GOLGA1: variants seen among roughly 807,000 people sequenced by gnomAD.
GOLGA1 encodes golgin subfamily A member 1.
A neutral mutation model predicts 119.7 loss-of-function variants in GOLGA1; 63 were observed. The ratio of observed to expected loss-of-function variants is 0.53; its 90% CI spans 0.43 to 0.65. GOLGA1 has a LOEUF of 0.65. Among genes scored for constraint, GOLGA1 ranks in the 30% least tolerant of loss-of-function variants. GOLGA1 has a pLI of 0.00. For synonymous variants in GOLGA1, 318 were observed against 333.4 expected (o/e 0.95, Z 0.50); for missense variants, 798 against 912.8 (o/e 0.87, Z 1.62).
At chr9:124,911,865 TC>T (rs1297480290) in intron 11 of GOLGA1, 35 bp downstream of exon 11, 8 of 1,596,436 alleles carry the variant, frequency 5.0e-6, no homozygotes, top group Non-Finnish European at 6.9e-6. Context: ...ACCCTGCCTT[TC>T]CAACACCAGC....
At chr9:124,904,976 A>T (rs969628031) in intron 12 of GOLGA1, among the ~76,000 whole-genome samples, 22 of 149,196 alleles carry the variant, frequency 1.5e-4, no homozygotes, top group South Asian at 8.4e-4. Flanking sequence ...AAAATAAATT[A>T]AAAAAATACA....
chr9:124,939,658 G>A (rs1343560401), intron 2 of GOLGA1, among the ~76,000 whole-genome samples: 2 of 146,050 alleles, frequency 1.4e-5, no homozygotes, highest in East Asian at 4.0e-4. Flanking sequence ...CACCTCCTGG[G>A]TTCAAGCGAT....
chr9:124,883,034 C>T (rs992215760), intron 19 of GOLGA1, among the ~76,000 whole-genome samples: 1 of 152,210 alleles, frequency 6.6e-6, no homozygotes, highest in Non-Finnish European at 1.5e-5. Context: ...ATTTTGAACA[C>T]CCTAAAAAGA....
In GOLGA1 at chr9:124,897,623, G is replaced by T. The variant is rs138025355; in HGVS notation, c.1407+926C>A. ...CTCAAAGTGCTAGGATTAGAGGCGT[G>T]AGCCACCGCACTGGCTCATTGCTAT... is the stretch of plus-strand genomic sequence containing the variant. On this transcript the variant is annotated intron_variant, in intron 15 of 22. Coordinates refer to ENST00000373555, the MANE Select transcript of GOLGA1 (RefSeq NM_002077.4). 1.4e-3 allele frequency among the ~76,000 whole-genome samples: 218 copies of T among 152,304 alleles called. 5 individuals are homozygous for T. The East Asian group carries it at 0.037, about 26-fold the overall frequency.
upstream of GOLGA1, chr9:124,944,466 A>ATT (rs71374207): frequency 0.17 from 14,560 of 84,682 alleles, 1,456 homozygotes; most frequent in Non-Finnish European, 0.21. Flanking sequence ...TGCCTGGCTA[A>ATT]TTTTTTTTTT....
At chr9:124,886,598 C>T (rs1829725658) in intron 19 of GOLGA1, among the ~76,000 whole-genome samples, 1 of 152,118 alleles carries the variant, frequency 6.6e-6, no homozygotes, top group Admixed American at 6.6e-5. Context: ...AGAGACGCAG[C>T]AGCAGGGCAA....
intron 14 of GOLGA1, among the ~76,000 whole-genome samples, chr9:124,899,082 G>A (rs1015643195): frequency 2.0e-5 from 3 of 152,162 alleles, no homozygotes; most frequent in Admixed American, 2.0e-4. Context: ...TGTAGTCCCA[G>A]CTACTTGGGA....
chr9:124,899,758 T>A (rs1379201324), intron 13 of GOLGA1, among the ~76,000 whole-genome samples: 1 of 152,188 alleles, frequency 6.6e-6, no homozygotes, highest in Non-Finnish European at 1.5e-5. Flanking sequence ...TCCTTCACAC[T>A]ACTCAGTGTT....
chr9:124,912,013 G>A lies in GOLGA1; in HGVS notation c.857C>T (p.Thr286Ile). Residue 286 changes from threonine to isoleucine, a missense_variant, in exon 11 of 23, where the codon ACT becomes ATT. By Grantham distance (89) the Thr-to-Ile change is moderately conservative. Transcript: ENST00000373555. ...SIDLQKVTAE[T>I]QEKEDVITHL... ...TGTGATAACGTCTTCTTTCTCTTGAGTTTCAGCAGTGACCTGCAGGTGAAA... is the reference window on the plus strand; with the variant it reads ...TGTGATAACGTCTTCTTTCTCTTGAATTTCAGCAGTGACCTGCAGGTGAAA... 1 of 1,613,372 alleles carries A rather than the reference G, an allele frequency of 6.2e-7. No homozygotes were observed. Among genetic ancestry groups the A allele is most frequent in the Non-Finnish European group, 8.5e-7 (1 of 1,179,450 alleles).
In GOLGA1 at chr9:124,882,030, G is replaced by C. The variant is rs890185095; in HGVS notation, c.1966-76C>G. 6.4e-6 allele frequency: 7 copies of C among 1,096,860 alleles called. No individual in the cohort carries two copies. The African/African-American group carries it at 7.9e-5, about 12-fold the overall frequency. 67.9% of individuals were successfully genotyped at this position (1,096,860 alleles called of 1,614,324 possible). A position where few individuals can be genotyped will look rare whatever the true frequency, so the allele number is the denominator to read the frequency against. ...AAAAAATCACACGGGAGGTTCACCT[G>C]GTCCAAACTATGATCACTATCGTAG... On this transcript the variant is annotated intron_variant, in intron 20 of 22. Transcript: ENST00000373555.
chr9:124,883,754 GTTTTC>G (rs1161790213), intron 19 of GOLGA1, among the ~76,000 whole-genome samples: 1 of 150,530 alleles, frequency 6.6e-6, no homozygotes, highest in African/African-American at 2.4e-5. Context: ...GGCCTTTTTT[GTTTTC>G]TTTAAGAGAC....
At chr9:124,938,388 AATAT>A (rs5900634) in intron 3 of GOLGA1, among the ~76,000 whole-genome samples, 185 bp downstream of exon 3, 1 of 151,654 alleles carries the variant, frequency 6.6e-6, no homozygotes, top group Admixed American at 6.6e-5. Context: ...TAAGGAAAAA[AATAT>A]AGAGTACCTT....
At chr9:124,882,192 C>T (rs988640020) in intron 20 of GOLGA1, among the ~76,000 whole-genome samples, 1 of 152,162 alleles carries the variant, frequency 6.6e-6, no homozygotes, top group African/African-American at 2.4e-5. Flanking sequence ...TGCTCGCATC[C>T]CGCATCAGGC....
At chr9:124,937,607 G>C (rs1364634310) in intron 3 of GOLGA1, among the ~76,000 whole-genome samples, 1 of 149,606 alleles carries the variant, frequency 6.7e-6, no homozygotes, top group Non-Finnish European at 1.5e-5. Flanking sequence ...CTCCGGCCTG[G>C]CTGACAGAGT....
intron 13 of GOLGA1, chr9:124,900,225 A>T: frequency 2.6e-6 from 1 of 382,306 alleles, no homozygotes; most frequent in South Asian, 4.1e-5. Flanking sequence ...GTGGGATGTA[A>T]GGTGGAAAGG....
intron 19 of GOLGA1, among the ~76,000 whole-genome samples, chr9:124,885,100 G>A (rs1351807915): frequency 6.6e-6 from 1 of 152,066 alleles, no homozygotes; most frequent in African/African-American, 2.4e-5. Flanking sequence ...AGGCCGAGGC[G>A]GGCAGATCAC....
intron 10 of GOLGA1, among the ~76,000 whole-genome samples, chr9:124,918,365 A>C (rs1027602814): frequency 2.0e-5 from 3 of 152,188 alleles, no homozygotes; most frequent in African/African-American, 4.8e-5. Context: ...AGCTCAACTA[A>C]TATTTTTAGA....
At position 124,897,513 on chromosome 9, in the gene GOLGA1, G is replaced by T. The variant is rs371652231; in HGVS notation, c.1407+1036C>A. 1.3e-3 allele frequency among the ~76,000 whole-genome samples: 202 copies of T among 152,152 alleles called. 3 individuals carry two copies. Among genetic ancestry groups the T allele is most frequent in the African/African-American group, 4.5e-3 (186 of 41,526 alleles). The stretch of plus-strand genomic sequence containing the variant: ...ACACCACCACACCAGGCTAATTGTT[G>T]AATTTTTAGTAGAGATGGGGTTTTA... On this transcript the variant is annotated intron_variant, in intron 15 of 22. Coordinates refer to ENST00000373555, the MANE Select transcript of GOLGA1 (RefSeq NM_002077.4).
rs149227298 is a variant in GOLGA1, at chr9:124,932,734, C to T, written c.136-1328G>A. 1.6e-3 allele frequency among the ~76,000 whole-genome samples: 245 copies of T among 152,300 alleles called. 1 individual carries two copies. The highest frequency in any genetic ancestry group is 5.7e-3 in the African/African-American group (237 of 41,570). On this transcript the variant is annotated intron_variant, in intron 3 of 22. Coordinates refer to ENST00000373555, the MANE Select transcript of GOLGA1 (RefSeq NM_002077.4). ...ATAAACAACAGAAATGTATTTCTCA[C>T]AGTTCTGGAGCCTAGGAAGTCCAAA...
Sources: allele counts gnomAD v4.1 joint callset (sites outside exome capture counted in the v4.1 genomes callset), GRCh38; gene constraint gnomAD v4.1.1; transcripts MANE v1.5; gene names NCBI Gene and HGNC (gene_info 2026-07-23, HGNC 2026-07-21).